The following SNX6 variants were observed in gnomAD, a reference collection of about 807,000 sequenced individuals.
The protein encoded by SNX6 is sorting nexin 6.
In SNX6, 34 loss-of-function variants were observed where a neutral mutation model predicts 63.0. That is an observed-to-expected ratio of 0.54 (90% CI 0.41 to 0.72). The LOEUF (loss-of-function observed/expected upper bound fraction) is 0.72, where lower values mean the gene tolerates loss of function less well. Among genes scored for constraint, SNX6 ranks in the 30% least tolerant of loss-of-function variants. SNX6 has a pLI of 0.00. For missense variants in SNX6, 398 were observed against 471.4 expected (o/e 0.84, Z 1.44); for synonymous variants, 170 against 164.2 (o/e 1.04, Z -0.27).
At position 34,575,826 on chromosome 14, in the gene SNX6, A is replaced by G. The variant is rs549195480; in HGVS notation, c.851T>C (p.Val284Ala). The part of the protein sequence containing the change: ...FDKTRKIEAR[V>A]SADEDLKLSD... ...AAGTTTGAGGTCTTCATCAGCAGAC[A>G]CTCGTGCTTCTATTTTCTGAAAAGA... The change falls in exon 11 of 14, where the codon GTG becomes GCG. Residue 284 changes from valine to alanine, a missense_variant. Val to Ala is a moderately conservative substitution (Grantham distance 64, BLOSUM62 0). Coordinates refer to ENST00000362031, the MANE Select transcript of SNX6 (RefSeq NM_152233.4). 3 of 1,585,100 alleles carry G rather than the reference A, an allele frequency of 1.9e-6. No homozygotes were observed. In the East Asian group the frequency reaches 6.8e-5, roughly 36 times the overall value.
intron 13 of SNX6, among the ~76,000 whole-genome samples, chr14:34,565,513 G>A (rs1251661465): frequency 6.6e-6 from 1 of 152,050 alleles, no homozygotes; most frequent in East Asian, 1.9e-4. Flanking sequence ...GGTAGTTCAT[G>A]ACCTCTTTGT....
chr14:34,585,161 A>G (rs1260345599), intron 9 of SNX6, among the ~76,000 whole-genome samples: 1 of 152,032 alleles, frequency 6.6e-6, no homozygotes, highest in Admixed American at 6.6e-5. Context: ...CCTCAACCCA[A>G]GTTTTTAAAG....
intron 9 of SNX6, among the ~76,000 whole-genome samples, chr14:34,585,131 C>T (rs949973554): frequency 1.3e-5 from 2 of 152,240 alleles, no homozygotes; most frequent in African/African-American, 4.8e-5. Flanking sequence ...AGATTACTGG[C>T]GTGAGCCACC....
chr14:34,608,248 G>A lies in SNX6; in HGVS notation c.160-108C>T, dbSNP rs1594740069. 6 of 557,718 alleles carry A rather than the reference G, an allele frequency of 1.1e-5. No homozygotes were observed. The East Asian group carries it at 1.9e-4, about 17-fold the overall frequency. The allele number at this position is 557,718 out of a possible 1,614,324, so 34.5% of individuals were successfully genotyped here. ...GCTGGAGTGCAGTCGAACAATCTCG[G>A]CTCACTGCAGCCTCAACCTCCCAGG... On this transcript the variant is annotated intron_variant, in intron 3 of 13. Transcript: ENST00000362031.
chr14:34,600,443 CT>C (rs879769668), intron 6 of SNX6, among the ~76,000 whole-genome samples: 3,050 of 138,472 alleles, frequency 0.022, 29 homozygotes, highest in Non-Finnish European at 0.03. Flanking sequence ...TCTTCTTCTT[CT>C]TTTTTTTTTT....
Position 34,609,634 on chromosome 14 carries a change from T to C in SNX6, c.159+4A>G. 6.3e-7 allele frequency: 1 copy of C among 1,579,938 alleles called. No homozygotes were observed. The highest frequency in any genetic ancestry group is 8.7e-7 in the Non-Finnish European group (1 of 1,151,388). On this transcript the variant is annotated splice_donor_region_variant and intron_variant, in intron 3 of 13. Transcript: ENST00000362031. ...AATAATAGAAAGTACAAAATCACAT[T>C]TACCTTTGTGTGAACAGTGAATTTT... is the stretch of plus-strand genomic sequence containing the variant.
At chr14:34,578,099 G>C (rs1881783594) in intron 10 of SNX6, among the ~76,000 whole-genome samples, 1 of 152,060 alleles carries the variant, frequency 6.6e-6, no homozygotes, top group Non-Finnish European at 1.5e-5. Context: ...AGGTACTTGG[G>C]AGGCTGAGGC....
chr14:34,569,561 G>A (rs1881350273), intron 11 of SNX6, among the ~76,000 whole-genome samples: 1 of 152,172 alleles, frequency 6.6e-6, no homozygotes, highest in South Asian at 2.1e-4. Context: ...TGAGTAGCTG[G>A]GACTACAGGC....
chr14:34,568,766 G>C (rs752712101), intron 11 of SNX6: 1 of 905,772 alleles, frequency 1.1e-6, no homozygotes, highest in Non-Finnish European at 1.8e-6. Flanking sequence ...GTCAGTTTGC[G>C]GCCCCCATCT....
intron 2 of SNX6, among the ~76,000 whole-genome samples, chr14:34,621,494 C>T (rs12885291): frequency 1.3e-5 from 2 of 152,220 alleles, no homozygotes; most frequent in Non-Finnish European, 2.9e-5. Flanking sequence ...TATTAAACAA[C>T]TGAGTGCCCT....
chr14:34,593,172 T>A, intron 7 of SNX6, 22 bp from the exon 8 acceptor site: 1 of 1,471,724 alleles, frequency 6.8e-7, no homozygotes, highest in Non-Finnish European at 9.3e-7. Context: ...AAAGAAAATA[T>A]AAACTTTTTT....
intron 6 of SNX6, among the ~76,000 whole-genome samples, chr14:34,600,401 A>T (rs907584782): frequency 6.6e-6 from 1 of 151,362 alleles, no homozygotes; most frequent in South Asian, 2.1e-4. Context: ...TTGGGATTAC[A>T]GGAATGAGCC....
At chr14:34,608,260 C>G (rs911891471) in intron 3 of SNX6, 120 bp from the exon 4 acceptor site, 37 of 529,604 alleles carry the variant, frequency 7.0e-5, no homozygotes, top group Non-Finnish European at 1.2e-4. Context: ...TCACTGCAGC[C>G]TCAACCTCCC....
chr14:34,585,147 C>T (rs1215303009), intron 9 of SNX6, among the ~76,000 whole-genome samples: 4 of 152,078 alleles, frequency 2.6e-5, no homozygotes, highest in African/African-American at 9.7e-5. Context: ...CCACCATGCC[C>T]AGCCCTCAAC....
At chr14:34,594,992 T>C (rs6571665) in intron 7 of SNX6, among the ~76,000 whole-genome samples, 58,600 of 151,798 alleles carry the variant, frequency 0.39, 11,779 homozygotes, top group Non-Finnish European at 0.43. Context: ...CTTGGGAGGT[T>C]GAAGTGGGAG....
At chr14:34,579,779 G>A (rs912320417) in intron 10 of SNX6, among the ~76,000 whole-genome samples, 1 of 151,594 alleles carries the variant, frequency 6.6e-6, no homozygotes, top group African/African-American at 2.4e-5. Context: ...CCTGAGGCCA[G>A]GAGTTTCAGA....
chr14:34,570,171 C>T (rs2138265959), intron 11 of SNX6, among the ~76,000 whole-genome samples: 1 of 151,804 alleles, frequency 6.6e-6, no homozygotes, highest in East Asian at 1.9e-4. Flanking sequence ...TGGGTTCAAG[C>T]AATTCTCCTG....
intron 13 of SNX6, 59 bp from the exon 14 acceptor site, chr14:34,563,234 T>C (rs1430103847): frequency 6.8e-7 from 1 of 1,466,700 alleles, no homozygotes; most frequent in African/African-American, 1.4e-5. Flanking sequence ...AGAAGACTCC[T>C]ACTGAAAATA....
chr14:34,614,946 A>AT (rs1005919152), intron 2 of SNX6, among the ~76,000 whole-genome samples: 258 of 148,414 alleles, frequency 1.7e-3, no homozygotes, highest in African/African-American at 5.1e-3. Context: ...TTGCTTTCAG[A>AT]TTTTTTTTTT....
Sources: allele counts gnomAD v4.1 joint callset (sites outside exome capture counted in the v4.1 genomes callset), GRCh38; gene constraint gnomAD v4.1.1; transcripts MANE v1.5; gene names NCBI Gene and HGNC (gene_info 2026-07-23, HGNC 2026-07-21).